ERC1: variants seen among roughly 807,000 people sequenced by gnomAD.
ERC1 encodes the protein RAB6 interacting protein 2.
In ERC1, 56 loss-of-function variants were observed where a neutral mutation model predicts 132.0. The ratio of observed to expected loss-of-function variants is 0.42; its 90% CI spans 0.34 to 0.53. ERC1 has a LOEUF of 0.53. ERC1 is among the 20% of genes least tolerant of loss of function. ERC1 has a pLI of 0.03. For synonymous variants in ERC1, 478 were observed against 476.1 expected, an observed-to-expected ratio of 1.00 and a Z score of -0.05; for missense variants, 1,202 against 1,349.9, an observed-to-expected ratio of 0.89 and a Z score of 1.72.
intron 17 of ERC1, among the ~76,000 whole-genome samples, chr12:1,440,597 C>CTTTTTT (rs1393877518): frequency 9.0e-6 from 1 of 111,650 alleles, no homozygotes; most frequent in African/African-American, 5.2e-5. Context: ...CTGCCTCAGC[C>CTTTTTT]TTTTGTGTGT....
At chr12:1,298,707 T>C (rs568888571) in intron 15 of ERC1, among the ~76,000 whole-genome samples, 115 of 151,144 alleles carry the variant, frequency 7.6e-4, no homozygotes, top group Non-Finnish European at 9.7e-4. Context: ...TTCAACCATA[T>C]CAATATTTAT....
chr12:1,226,596 C>G (rs1004713579), intron 12 of ERC1, among the ~76,000 whole-genome samples: 7 of 152,246 alleles, frequency 4.6e-5, no homozygotes, highest in Non-Finnish European at 8.8e-5. Context: ...TTTCCCAACC[C>G]TCTAGAAACC....
At chr12:1,005,372 A>T (rs1963383140) in intron 1 of ERC1, among the ~76,000 whole-genome samples, 1 of 151,986 alleles carries the variant, frequency 6.6e-6, no homozygotes, top group East Asian at 1.9e-4. Flanking sequence ...CAAATTCCTG[A>T]GCTTAAGTCA....
intron 8 of ERC1, 54 bp from the exon 9 acceptor site, chr12:1,180,486 A>G (rs187729570): frequency 1.3e-4 from 196 of 1,534,830 alleles, no homozygotes; most frequent in Non-Finnish European, 1.6e-4. Context: ...TGATTGTGCT[A>G]TTGTTTTTTT....
intron 17 of ERC1, among the ~76,000 whole-genome samples, chr12:1,422,256 T>C (rs12306978): frequency 0.1 from 15,754 of 152,270 alleles, 1,251 homozygotes; most frequent in African/African-American, 0.22. Context: ...CTTGTGACGT[T>C]AGAAGCAAGA....
At chr12:1,279,564 A>G (rs979835276) in intron 14 of ERC1, among the ~76,000 whole-genome samples, 4 of 152,094 alleles carry the variant, frequency 2.6e-5, no homozygotes, top group Non-Finnish European at 4.4e-5. Flanking sequence ...GATGTGAAAA[A>G]ATTAAGTCCA....
chr12:1,260,382 C>T (rs908661339), intron 13 of ERC1, among the ~76,000 whole-genome samples: 1 of 152,248 alleles, frequency 6.6e-6, no homozygotes, highest in African/African-American at 2.4e-5. Flanking sequence ...GTGTTCTAAA[C>T]TTTACAGAAA....
rs1350797093 is a variant in ERC1, at chr12:1,493,697, C to T, written c.*3467C>T. 1 of 199,356 alleles carries T rather than the reference C, an allele frequency of 5.0e-6. No individual in the cohort carries two copies. The highest frequency in any genetic ancestry group is 2.3e-5 in the African/African-American group (1 of 43,028). 12.3% of individuals were successfully genotyped at this position (199,356 alleles called of 1,614,324 possible). Reference sequence around the variant, plus strand: ...CCTCACACTTGGGTTTTAGAAATAACTTGTAAAGCAGACTGGACCCAAGGC... The same window carrying T: ...CCTCACACTTGGGTTTTAGAAATAATTTGTAAAGCAGACTGGACCCAAGGC... On this transcript the variant is annotated 3_prime_UTR_variant, in exon 19 of 19. Coordinates refer to ENST00000360905, the MANE Select transcript of ERC1 (RefSeq NM_178040.4).
intron 16 of ERC1, among the ~76,000 whole-genome samples, chr12:1,405,519 C>T (rs1056679813): frequency 3.3e-5 from 5 of 151,994 alleles, no homozygotes; most frequent in Non-Finnish European, 7.4e-5. Context: ...GCAAGGCCAA[C>T]ATAGTGAAAC....
intron 15 of ERC1, among the ~76,000 whole-genome samples, chr12:1,310,290 G>A (rs1033849531): frequency 6.6e-6 from 1 of 151,802 alleles, no homozygotes; most frequent in South Asian, 2.1e-4. Context: ...GCAATGGGAC[G>A]ATCTCGGCTC....
chr12:1,156,230 A>G (rs1951381357), intron 8 of ERC1, among the ~76,000 whole-genome samples: 1 of 151,696 alleles, frequency 6.6e-6, no homozygotes, highest in African/African-American at 2.4e-5. Context: ...GGTTTTTCTT[A>G]TTTTATTTTA....
chr12:1,319,143 A>G lies in ERC1; in HGVS notation c.2780+29131A>G, dbSNP rs141008069. On this transcript the variant is annotated intron_variant, in intron 15 of 18. Transcript: ENST00000360905. ...CTTGCTTTCTGCTATTTTATGTTCT[A>G]TAGTGATACTTTCTTCATTTTTCAT... 5.9e-5 allele frequency among the ~76,000 whole-genome samples: 9 copies of G among 152,218 alleles called. No homozygotes were observed. In the East Asian group the frequency reaches 1.7e-3, roughly 29 times the overall value.
rs113510288 is a variant in ERC1 at position 1,076,421 on chromosome 12, G to A, written c.670-6743G>A. ...TCTTTTTTTTTTTTTTGGAGATGGA[G>A]TCTCACTCTGTCGCCCAGGCTGGAG... On this transcript the variant is annotated intron_variant, in intron 2 of 18. Coordinates refer to ENST00000360905, the MANE Select transcript of ERC1 (RefSeq NM_178040.4). Among the ~76,000 whole-genome samples, 109 of 144,804 alleles carry A rather than the reference G, an allele frequency of 7.5e-4. 2 individuals are homozygous for A. Among genetic ancestry groups the A allele is most frequent in the Admixed American group, 3.5e-4 (5 of 14,150 alleles). 95.0% of individuals were successfully genotyped at this position (144,804 alleles called of 152,430 possible). A position where few individuals can be genotyped will look rare whatever the true frequency, so the allele number is the denominator to read the frequency against.
chr12:1,298,560 ACAAAC>A (rs2080157220), intron 15 of ERC1, among the ~76,000 whole-genome samples: 3 of 99,274 alleles, frequency 3.0e-5, no homozygotes, highest in Non-Finnish European at 5.3e-5. Flanking sequence ...AAAAAAACAA[ACAAAC>A]AAAGAAAAAG....
In ERC1 at chr12:1,483,668, C is replaced by CTTTTTTTTTTTTT. The variant is rs35596394; in HGVS notation, c.3214-6399_3214-6387dup. ...CAAAACTCCTTCCAGCCACTGAGAG[C>CTTTTTTTTTTTTT]TTTTTTTTTTTTTTTTTTTTTTTTT... On this transcript the variant is annotated intron_variant, in intron 18 of 18. Coordinates refer to ENST00000360905, the MANE Select transcript of ERC1 (RefSeq NM_178040.4). 2.0e-4 allele frequency among the ~76,000 whole-genome samples: 11 copies of CTTTTTTTTTTTTT among 55,220 alleles called. 3 individuals carry two copies. The highest frequency in any genetic ancestry group is 1.2e-3 in the Admixed American group (4 of 3,230). The allele number at this position is 55,220 out of a possible 152,430, so 36.2% of individuals were successfully genotyped here. A position where few individuals can be genotyped will look rare whatever the true frequency, so the allele number is the denominator to read the frequency against.
intron 7 of ERC1, among the ~76,000 whole-genome samples, chr12:1,127,077 G>T (rs1478315615): frequency 6.9e-6 from 1 of 145,550 alleles, no homozygotes; most frequent in African/African-American, 2.6e-5. Flanking sequence ...AACAGATAAA[G>T]AAACCTAAGT....
At chr12:1,216,496 A>G (rs574858481) in intron 12 of ERC1, among the ~76,000 whole-genome samples, 2 of 152,024 alleles carry the variant, frequency 1.3e-5, no homozygotes, top group Admixed American at 1.3e-4. Flanking sequence ...GTGGAGAAAT[A>G]CGGATGGCAT....
intron 1 of ERC1, among the ~76,000 whole-genome samples, chr12:1,006,079 C>T (rs937646405): frequency 9.2e-5 from 14 of 152,024 alleles, no homozygotes; most frequent in African/African-American, 3.1e-4. Flanking sequence ...GCCTCAGCCT[C>T]CCAAGTAGCT....
At chr12:1,161,868 A>G (rs1475453426) in intron 8 of ERC1, among the ~76,000 whole-genome samples, 2 of 152,192 alleles carry the variant, frequency 1.3e-5, no homozygotes, top group African/African-American at 4.8e-5. Context: ...TCTTTCATGA[A>G]TATTATAACT....
Sources: gnomAD v4.1 joint callset for allele counts (sites outside exome capture counted in the v4.1 genomes callset) on GRCh38, gnomAD v4.1.1 for gene constraint, MANE v1.5 for transcripts, NCBI Gene and HGNC (gene_info 2026-07-23, HGNC 2026-07-21) for gene names.